GUCY1A1: variants seen among roughly 807,000 people sequenced by gnomAD.
The protein encoded by GUCY1A1 is guanylate cyclase soluble subunit alpha-1.
A neutral mutation model predicts 64.5 loss-of-function variants in GUCY1A1; 48 were observed. The observed-to-expected ratio is 0.74, with a 90% CI of 0.59 to 0.95. The LOEUF (loss-of-function observed/expected upper bound fraction) is 0.95. Ranked by LOEUF, GUCY1A1 falls within the 40% of genes least tolerant of loss-of-function variation. The pLI is 0.00. For synonymous variants in GUCY1A1, 308 were observed against 303.4 expected (o/e 1.02, Z -0.16); for missense variants, 804 against 825.3 (o/e 0.97, Z 0.32).
Position 155,717,301 on chromosome 4 carries a change from A to G in GUCY1A1, c.1715A>G (p.Lys572Arg). 6.4e-7 allele frequency: 1 copy of G among 1,568,500 alleles called. No individual in the cohort carries two copies. Among genetic ancestry groups the G allele is most frequent in the African/African-American group, 1.4e-5 (1 of 73,458 alleles). Residue 572 changes from lysine to arginine, a missense_variant and splice_region_variant, in exon 8 of 10, where the codon AAG (lysine) becomes AGG (arginine). Physicochemically the swap from Lys to Arg is conservative, Grantham distance 26. Transcript: ENST00000506455. Reference protein sequence around the residue: ...EVMSPHGEPIKMRIGLHSGSV... With the variant: ...EVMSPHGEPIRMRIGLHSGSV... ...ATGTCTCCCCATGGAGAACCTATCA[A>G]GGTAAGGCAGATGATATATTGTCCA...
At chr4:155,667,728 G>A (rs1733529871) in intron 2 of GUCY1A1, 1 of 151,328 alleles carries the variant, frequency 6.6e-6, no homozygotes, top group Non-Finnish European at 1.5e-5. Flanking sequence ...CCGTGAGAAC[G>A]CGCGGGGCGC....
intron 3 of GUCY1A1, among the ~76,000 whole-genome samples, chr4:155,702,878 G>A (rs1392653414): frequency 2.0e-5 from 3 of 151,662 alleles, no homozygotes; most frequent in Non-Finnish European, 4.4e-5. Context: ...TAGTTTTTAA[G>A]GAAAAAGGAA....
At chr4:155,687,773 C>T (rs1477117570) in intron 2 of GUCY1A1, among the ~76,000 whole-genome samples, 1 of 152,154 alleles carries the variant, frequency 6.6e-6, no homozygotes, top group Admixed American at 6.6e-5. Context: ...GCCATCTGTT[C>T]ATGTAGCCTA....
chr4:155,671,120 T>C (rs1734092707), intron 2 of GUCY1A1, among the ~76,000 whole-genome samples: 1 of 152,204 alleles, frequency 6.6e-6, no homozygotes. Flanking sequence ...TTGTCATTGT[T>C]ATTCTTGAAT....
At chr4:155,712,116 C>T (rs1012936444) in intron 6 of GUCY1A1, among the ~76,000 whole-genome samples, 2 of 152,010 alleles carry the variant, frequency 1.3e-5, no homozygotes, top group Non-Finnish European at 2.9e-5. Context: ...GGTATCCCAT[C>T]ATATGGTTGT....
At chr4:155,672,888 G>T (rs956203985) in intron 2 of GUCY1A1, among the ~76,000 whole-genome samples, 6 of 152,048 alleles carry the variant, frequency 3.9e-5, no homozygotes, top group African/African-American at 1.4e-4. Context: ...CAAATTAATG[G>T]ATTTAAACTC....
At chr4:155,681,983 C>T (rs1363095819) in intron 2 of GUCY1A1, among the ~76,000 whole-genome samples, 2 of 152,170 alleles carry the variant, frequency 1.3e-5, no homozygotes, top group Non-Finnish European at 2.9e-5. Flanking sequence ...GTTTCTGTTA[C>T]CTGTTTCCAT....
intron 9 of GUCY1A1, among the ~76,000 whole-genome samples, chr4:155,723,537 A>G (rs1224942588): frequency 8.5e-5 from 13 of 152,180 alleles, no homozygotes; most frequent in African/African-American, 3.1e-4. Flanking sequence ...AGTTTTTCAG[A>G]TCTATACAGT....
At chr4:155,668,031 G>C (rs1481057455) in intron 2 of GUCY1A1, 2 of 152,296 alleles carry the variant, frequency 1.3e-5, no homozygotes, top group African/African-American at 4.8e-5. Context: ...AGGTGTGCGC[G>C]TGTGTGCGAG....
intron 2 of GUCY1A1, among the ~76,000 whole-genome samples, chr4:155,668,759 G>C (rs1238467391): frequency 6.6e-6 from 1 of 152,102 alleles, no homozygotes; most frequent in Non-Finnish European, 1.5e-5. Flanking sequence ...TAGCAACGAC[G>C]ATGTAACCAA....
At chr4:155,679,829 A>C (rs1283496230) in intron 2 of GUCY1A1, among the ~76,000 whole-genome samples, 2 of 152,222 alleles carry the variant, frequency 1.3e-5, no homozygotes, top group East Asian at 1.9e-4. Flanking sequence ...TTTTTATTAA[A>C]AAACAAACAA....
chr4:155,683,472 A>G (rs552573820), intron 2 of GUCY1A1, among the ~76,000 whole-genome samples: 31 of 152,352 alleles, frequency 2.0e-4, no homozygotes, highest in Admixed American at 5.2e-4. Flanking sequence ...GAAAATAATT[A>G]TTGGCAGTCC....
chr4:155,668,647 G>T (rs1431381969), intron 2 of GUCY1A1, among the ~76,000 whole-genome samples: 1 of 151,974 alleles, frequency 6.6e-6, no homozygotes, highest in Non-Finnish European at 1.5e-5. Context: ...GTGTAGAAGT[G>T]GTCTGTTGCT....
At chr4:155,695,948 G>A (rs1000705943) in intron 2 of GUCY1A1, among the ~76,000 whole-genome samples, 4 of 152,108 alleles carry the variant, frequency 2.6e-5, no homozygotes, top group Non-Finnish European at 5.9e-5. Context: ...TGTGAATTGT[G>A]GGAGAATTTA....
At chr4:155,706,429 C>T (rs1235121558) in intron 4 of GUCY1A1, among the ~76,000 whole-genome samples, 6 of 152,008 alleles carry the variant, frequency 3.9e-5, no homozygotes, top group Non-Finnish European at 7.4e-5. Flanking sequence ...CTTTTTTGTG[C>T]TGCTTATTCT....
intron 2 of GUCY1A1, among the ~76,000 whole-genome samples, chr4:155,689,419 C>G (rs1295562965): frequency 2.0e-5 from 3 of 152,090 alleles, no homozygotes; most frequent in Non-Finnish European, 4.4e-5. Flanking sequence ...AGTGATGATA[C>G]TTAATTTGAA....
Position 155,713,195 on chromosome 4 carries a change from G to A in GUCY1A1, c.1184G>A (p.Gly395Glu), listed in dbSNP as rs757859842. ...PCVDRLEDFTGRGLYLSDIPI... is the reference protein window; with the variant it reads ...PCVDRLEDFTERGLYLSDIPI... ...GTGGACAGATTAGAAGATTTTACAGGACGAGGGCTCTACCTCTCAGACATC... is the reference window on the plus strand; with the variant it reads ...GTGGACAGATTAGAAGATTTTACAGAACGAGGGCTCTACCTCTCAGACATC... The change falls in exon 7 of 10, where the codon GGA becomes GAA. Residue 395 changes from glycine to glutamate, a missense_variant. By Grantham distance (98) the Gly-to-Glu change is moderately conservative (BLOSUM62 -2). Transcript: ENST00000506455. 2.2e-5 allele frequency: 36 copies of A among 1,613,974 alleles called. No individual in the cohort carries two copies. The highest frequency in any genetic ancestry group is 3.1e-5 in the Non-Finnish European group (36 of 1,179,980).
rs1301754578 is a variant in GUCY1A1 at position 155,732,902 on chromosome 4, T to C, written c.*2671T>C. On this transcript the variant is annotated 3_prime_UTR_variant, in exon 10 of 10. Transcript: ENST00000506455. ...GTACACTATATAAATTATCTCCTTA[T>C]ACATATTTCTCAGGCAAGCACAGAG... Among the ~76,000 whole-genome samples, 1 of 151,888 alleles carries C rather than the reference T, an allele frequency of 6.6e-6. No homozygotes were observed. Among genetic ancestry groups the C allele is most frequent in the Non-Finnish European group, 1.5e-5 (1 of 67,884 alleles).
At chr4:155,698,771 CT>C (rs1464466399) in intron 3 of GUCY1A1, among the ~76,000 whole-genome samples, 1 of 152,122 alleles carries the variant, frequency 6.6e-6, no homozygotes, top group African/African-American at 2.4e-5. Context: ...TCTTTTTGCC[CT>C]TCTGACTGAA....
Sources: gnomAD v4.1 joint callset for allele counts (sites outside exome capture counted in the v4.1 genomes callset) on GRCh38, gnomAD v4.1.1 for gene constraint, MANE v1.5 for transcripts, NCBI Gene and HGNC (gene_info 2026-07-23, HGNC 2026-07-21) for gene names.